Variants in ASPRV1 observed in about 807,000 individuals in gnomAD.
The protein encoded by ASPRV1 is retroviral-like aspartic protease 1.
Under a neutral mutation model 11.0 loss-of-function variants are expected in ASPRV1, and 7 were observed. The observed-to-expected ratio is 0.64, with a 90% CI of 0.36 to 1.20. ASPRV1 has a LOEUF of 1.20. Among genes scored for constraint, ASPRV1 ranks in the 50% most tolerant of loss-of-function variants. The pLI, the probability that ASPRV1 is intolerant of heterozygous loss-of-function variation, is 0.02. For synonymous variants in ASPRV1, 136 were observed against 138.4 expected, an observed-to-expected ratio of 0.98 and a Z score of 0.12; for missense variants, 299 against 320.0, an observed-to-expected ratio of 0.93 and a Z score of 0.50.
At chr2:70,070,386 C>T in the ASPRV1 span, 1 of 152,058 alleles carries the variant, frequency 6.6e-6, no homozygotes, top group African/African-American at 2.4e-5. Flanking sequence ...GACTAGTATT[C>T]CAAGAATTCT....
chr2:70,076,131 A>G, the ASPRV1 span, among the ~76,000 whole-genome samples: 4 of 152,166 alleles, frequency 2.6e-5, no homozygotes, highest in Non-Finnish European at 5.9e-5. Flanking sequence ...TGCTACACTG[A>G]TAAGATGCTT....
chr2:70,024,903 G>A, the ASPRV1 span, among the ~76,000 whole-genome samples: 1 of 152,150 alleles, frequency 6.6e-6, no homozygotes, highest in Non-Finnish European at 1.5e-5. Context: ...GTCTAGGAAG[G>A]GAAGGGTATG....
chr2:70,068,439 C>A, the ASPRV1 span, among the ~76,000 whole-genome samples: 1 of 152,112 alleles, frequency 6.6e-6, no homozygotes, highest in African/African-American at 2.4e-5. Flanking sequence ...AAAAAGGAGG[C>A]GGCAAGCTGC....
At chr2:70,061,723 TG>T in the ASPRV1 span, among the ~76,000 whole-genome samples, 1 of 151,106 alleles carries the variant, frequency 6.6e-6, no homozygotes, top group Non-Finnish European at 1.5e-5. Context: ...GGGAGGCAAG[TG>T]GATCACCTGA....
At chr2:69,948,907 C>T in the ASPRV1 span, among the ~76,000 whole-genome samples, 120 of 152,146 alleles carry the variant, frequency 7.9e-4, no homozygotes, top group African/African-American at 2.9e-3. Flanking sequence ...CCTCACTCTT[C>T]CCTGGACACC....
the ASPRV1 span, among the ~76,000 whole-genome samples, chr2:70,067,496 G>A: frequency 2.6e-5 from 4 of 152,140 alleles, no homozygotes; most frequent in African/African-American, 9.7e-5. Context: ...TGTCTTCATA[G>A]AAAAATAGCC....
At chr2:69,954,333 T>C in the ASPRV1 span, among the ~76,000 whole-genome samples, 6 of 152,342 alleles carry the variant, frequency 3.9e-5, no homozygotes, top group East Asian at 9.6e-4. Flanking sequence ...CACATGGGTC[T>C]GAGCTGGTCC....
At chr2:70,056,074 T>C in the ASPRV1 span, 1 of 152,082 alleles carries the variant, frequency 6.6e-6, no homozygotes, top group Non-Finnish European at 1.5e-5. Context: ...TTATGCTAAG[T>C]AAAATAAGCC....
the ASPRV1 span, chr2:70,055,598 G>A: frequency 6.7e-6 from 1 of 149,958 alleles, no homozygotes; most frequent in Admixed American, 6.6e-5. Flanking sequence ...TGGATACAGA[G>A]AAGGGAATAA....
upstream of ASPRV1, chr2:69,962,953 G>A: frequency 3.4e-6 from 1 of 290,794 alleles, no homozygotes; most frequent in Non-Finnish European, 7.0e-6. Context: ...GATTAAGGAT[G>A]GGAGAGGAGG....
At chr2:69,957,552 T>C (rs1158679955), downstream of ASPRV1, among the ~76,000 whole-genome samples, 1 of 151,582 alleles carries the variant, frequency 6.6e-6, no homozygotes, top group Non-Finnish European at 1.5e-5. Context: ...CTAGAGGTAT[T>C]AGAATGTTCT....
the ASPRV1 span, chr2:70,081,493 TA>T: frequency 1.8e-3 from 256 of 143,698 alleles, no homozygotes; most frequent in Middle Eastern, 3.5e-3. Context: ...GACTCCATCT[TA>T]AAAAAAAAAA....
chr2:69,938,457 G>A, the ASPRV1 span: 2 of 606,996 alleles, frequency 3.3e-6, no homozygotes, highest in Non-Finnish European at 2.9e-6. Flanking sequence ...GTTTCTGATT[G>A]CATCCACTAG....
the ASPRV1 span, among the ~76,000 whole-genome samples, chr2:70,052,698 A>G: frequency 6.6e-6 from 1 of 152,212 alleles, no homozygotes; most frequent in South Asian, 2.1e-4. Flanking sequence ...AAAAAGGGAC[A>G]TAAGAAGGAT....
chr2:69,977,447 C>T, the ASPRV1 span, among the ~76,000 whole-genome samples: 1 of 152,164 alleles, frequency 6.6e-6, no homozygotes, highest in Non-Finnish European at 1.5e-5. Context: ...GTGTAAGATG[C>T]TGTCGAAAGA....
At chr2:70,086,404 G>A in the ASPRV1 span, 2 of 152,262 alleles carry the variant, frequency 1.3e-5, no homozygotes, top group Admixed American at 6.5e-5. Context: ...AGCCCAAGGA[G>A]GAAGGGGAAA....
At chr2:70,033,276 A>AACACACAC in the ASPRV1 span, among the ~76,000 whole-genome samples, 5,607 of 141,522 alleles carry the variant, frequency 0.04, 168 homozygotes, top group African/African-American at 0.093. Context: ...TCAAACAGAA[A>AACACACAC]ACACACACAC....
At chr2:70,083,249 G>T in the ASPRV1 span, among the ~76,000 whole-genome samples, 1 of 152,206 alleles carries the variant, frequency 6.6e-6, no homozygotes, top group South Asian at 2.1e-4. Context: ...TAAGAGTCAA[G>T]AGGTTCAGCT....
the ASPRV1 span, chr2:69,939,464 A>T: frequency 6.6e-6 from 1 of 152,638 alleles, no homozygotes; most frequent in African/African-American, 2.4e-5. Context: ...TTTTTATTTA[A>T]GCTAAAACAG....
Sources: gnomAD v4.1 joint callset for allele counts (sites outside exome capture counted in the v4.1 genomes callset) on GRCh38, gnomAD v4.1.1 for gene constraint, MANE v1.5 for transcripts, NCBI Gene and HGNC (gene_info 2026-07-23, HGNC 2026-07-21) for gene names.